The following TENM3 variants were observed in gnomAD, a reference collection of about 807,000 sequenced individuals.
TENM3 encodes teneurin transmembrane protein 3, also known as teneurin-3.
In TENM3, 63 loss-of-function variants were observed where a neutral mutation model predicts 255.1. The ratio of observed to expected loss-of-function variants is 0.25; its 90% CI spans 0.20 to 0.30. The LOEUF (loss-of-function observed/expected upper bound fraction) is 0.30, where lower values mean the gene tolerates loss of function less well. TENM3 is among the 10% of genes least tolerant of loss of function. The pLI is 1.00. For missense variants in TENM3, 2,929 were observed against 3,461.1 expected, an observed-to-expected ratio of 0.85 and a Z score of 3.86; for synonymous variants, 1,306 against 1,322.3, an observed-to-expected ratio of 0.99 and a Z score of 0.27.
the TENM3 span, among the ~76,000 whole-genome samples, chr4:181,620,111 G>A: frequency 6.6e-6 from 1 of 151,760 alleles, no homozygotes; most frequent in Admixed American, 6.6e-5. Flanking sequence ...AAATACAAAA[G>A]TTAGCTGGGC....
At chr4:182,622,381 T>C (rs1750374325) in intron 4 of TENM3, among the ~76,000 whole-genome samples, 1 of 152,132 alleles carries the variant, frequency 6.6e-6, no homozygotes, top group South Asian at 2.1e-4. Context: ...TCATAGCAAC[T>C]CAAGCCCTTG....
At chr4:182,165,725 G>T (rs1751659411) in intron 1 of TENM3, among the ~76,000 whole-genome samples, 1 of 152,206 alleles carries the variant, frequency 6.6e-6, no homozygotes, top group South Asian at 2.1e-4. Flanking sequence ...AATGCACACT[G>T]AGTGACTCCC....
rs567639497 is a variant in TENM3 at position 182,605,194 on chromosome 4, C to G, written c.749+4033C>G. On this transcript the variant is annotated intron_variant, in intron 4 of 27. Coordinates refer to ENST00000511685, the MANE Select transcript of TENM3 (RefSeq NM_001080477.4). ...CACTTACTGATAACTAATAAACTAC[C>G]ATTAGTGAGGTAGTAAGTAGTGGAA... Among the ~76,000 whole-genome samples, 7 of 152,152 alleles carry G rather than the reference C, an allele frequency of 4.6e-5. No individual in the cohort carries two copies. In the East Asian group the frequency reaches 1.4e-3, roughly 29 times the overall value.
the TENM3 span, among the ~76,000 whole-genome samples, chr4:181,683,683 T>A: frequency 6.6e-6 from 1 of 152,054 alleles, no homozygotes; most frequent in Non-Finnish European, 1.5e-5. Context: ...AAGGCGATGG[T>A]CTAGGAGAGG....
Position 182,165,522 on chromosome 4 carries a change from C to T in TENM3, c.-76+20768C>T, listed in dbSNP as rs371493313. Among the ~76,000 whole-genome samples, 10 of 152,248 alleles carry T rather than the reference C, an allele frequency of 6.6e-5. 1 individual carries two copies. The highest frequency in any genetic ancestry group is 6.5e-5 in the Admixed American group (1 of 15,300). ...GCTGCTAGAGAGCTATCTGAGTCAGCGGTTAACTGAGGCTTAGGCACACAT... is the reference window on the plus strand; with the variant it reads ...GCTGCTAGAGAGCTATCTGAGTCAGTGGTTAACTGAGGCTTAGGCACACAT... On this transcript the variant is annotated intron_variant, in intron 1 of 2. Coordinates refer to the TENM3 transcript ENST00000512480.
the TENM3 span, among the ~76,000 whole-genome samples, chr4:181,991,700 GA>G: frequency 1.3e-5 from 2 of 152,074 alleles, no homozygotes; most frequent in African/African-American, 2.4e-5. Flanking sequence ...TAAAGAGACT[GA>G]AAACTAAAAT....
At chr4:181,642,275 A>C in the TENM3 span, among the ~76,000 whole-genome samples, 1 of 152,112 alleles carries the variant, frequency 6.6e-6, no homozygotes, top group Non-Finnish European at 1.5e-5. Flanking sequence ...TCTTCTTTCA[A>C]GAAGTGTCTG....
chr4:181,839,349 A>G, the TENM3 span, among the ~76,000 whole-genome samples: 1 of 33,186 alleles, frequency 3.0e-5, no homozygotes, highest in Non-Finnish European at 7.1e-5. Flanking sequence ...TTGAGGGTAT[A>G]TATATATATA....
the TENM3 span, among the ~76,000 whole-genome samples, chr4:181,818,261 A>G: frequency 6.6e-6 from 1 of 152,210 alleles, no homozygotes; most frequent in African/African-American, 2.4e-5. Context: ...AATTAAGTCC[A>G]TACTTGTTAA....
At chr4:182,598,089 T>C (rs1292076082) in intron 3 of TENM3, among the ~76,000 whole-genome samples, 1 of 152,112 alleles carries the variant, frequency 6.6e-6, no homozygotes, top group Middle Eastern at 3.2e-3. Context: ...TGAGGTGGGA[T>C]TGATTTTCTT....
the TENM3 span, among the ~76,000 whole-genome samples, chr4:181,870,873 G>T: frequency 6.6e-6 from 1 of 151,706 alleles, no homozygotes; most frequent in South Asian, 2.1e-4. Flanking sequence ...AAAAATATTT[G>T]CCAATACCAG....
At chr4:181,824,354 G>A in the TENM3 span, among the ~76,000 whole-genome samples, 1 of 151,812 alleles carries the variant, frequency 6.6e-6, no homozygotes. Flanking sequence ...ACCTGCCTCG[G>A]CCTCCCAAAT....
At chr4:182,299,775 G>T (rs1042322553) in intron 1 of TENM3, among the ~76,000 whole-genome samples, 1 of 128,514 alleles carries the variant, frequency 7.8e-6, no homozygotes, top group Non-Finnish European at 1.9e-5. Flanking sequence ...GCCAAGGACG[G>T]GGGGAGGGAG....
the TENM3 span, among the ~76,000 whole-genome samples, chr4:181,632,051 G>A: frequency 6.6e-6 from 1 of 152,220 alleles, no homozygotes; most frequent in Non-Finnish European, 1.5e-5. Context: ...AGTGTGAGGT[G>A]TGGTGTATTA....
At chr4:181,626,439 T>C in the TENM3 span, among the ~76,000 whole-genome samples, 2 of 152,144 alleles carry the variant, frequency 1.3e-5, no homozygotes, top group Admixed American at 1.3e-4. Flanking sequence ...TTGCATTGGC[T>C]CATGGTTCTG....
the TENM3 span, among the ~76,000 whole-genome samples, chr4:181,500,645 T>A: frequency 3.3e-5 from 5 of 152,326 alleles, no homozygotes; most frequent in East Asian, 9.7e-4. Flanking sequence ...TCCCTCTGGT[T>A]TACTTAGTAT....
intron 1 of TENM3, among the ~76,000 whole-genome samples, chr4:182,202,794 C>A (rs190073977): frequency 6.6e-6 from 1 of 152,150 alleles, no homozygotes; most frequent in East Asian, 1.9e-4. Flanking sequence ...GAAGTGCAGG[C>A]GGCTCATCCA....
chr4:182,361,264 C>A (rs1162938100), intron 3 of TENM3, among the ~76,000 whole-genome samples: 1 of 151,750 alleles, frequency 6.6e-6, no homozygotes, highest in Non-Finnish European at 1.5e-5. Flanking sequence ...TCTGAATGTT[C>A]CTGCCTTGCT....
At chr4:182,447,932 A>C (rs954024714) in intron 3 of TENM3, among the ~76,000 whole-genome samples, 1 of 152,194 alleles carries the variant, frequency 6.6e-6, no homozygotes, top group African/African-American at 2.4e-5. Context: ...AATAATGATA[A>C]TAGTGGATCT....
Sources: gnomAD v4.1 joint callset for allele counts (sites outside exome capture counted in the v4.1 genomes callset) on GRCh38, gnomAD v4.1.1 for gene constraint, MANE v1.5 for transcripts, NCBI Gene and HGNC (gene_info 2026-07-23, HGNC 2026-07-21) for gene names.